SESN1: variants seen among roughly 807,000 people sequenced by gnomAD.
SESN1 encodes the protein sestrin-1.
A neutral mutation model predicts 59.3 loss-of-function variants in SESN1; 30 were observed. The ratio of observed to expected loss-of-function variants is 0.51; its 90% CI spans 0.38 to 0.69. The LOEUF (loss-of-function observed/expected upper bound fraction) is 0.69, where lower values mean the gene tolerates loss of function less well. SESN1 is among the 30% of genes least tolerant of loss of function. SESN1 has a pLI of 0.00. For synonymous variants in SESN1, 197 were observed against 219.9 expected (o/e 0.90, Z 0.92); for missense variants, 566 against 673.0 (o/e 0.84, Z 1.76).
rs1041014670 is a variant in SESN1 at position 109,075,874 on chromosome 6, A to T, written c.279+17921T>A. Among the ~76,000 whole-genome samples the T allele has an allele frequency of 3.9e-5, 6 of 152,190 alleles. No homozygotes were observed. In the East Asian group the frequency reaches 9.6e-4, roughly 24 times the overall value. On this transcript the variant is annotated intron_variant, in intron 1 of 9. Coordinates refer to ENST00000436639, the MANE Select transcript of SESN1 (RefSeq NM_014454.3). ...TCCTCAACACCCCCTCCCCGACCCC[A>T]GAGGGAATGACTCTGAGGGTCTTTT... is the stretch of plus-strand genomic sequence containing the variant.
chr6:109,043,273 T>C (rs1562466773), intron 1 of SESN1, among the ~76,000 whole-genome samples: 1 of 152,094 alleles, frequency 6.6e-6, no homozygotes, highest in Non-Finnish European at 1.5e-5. Context: ...CCTCTTAAGA[T>C]TGGGAAGAAG....
Position 108,990,704 on chromosome 6 carries a change from A to G in SESN1, c.1365T>C (p.Val455=). The change falls in exon 8 of 10, where the codon GTT becomes GTC. Residue 455 remains valine (V), a synonymous_variant. Coordinates refer to ENST00000436639, the MANE Select transcript of SESN1 (RefSeq NM_014454.3). ...TTGCCCGTCTAAGCATTGAGGTATC[A>G]ACATCTTTGTGCATTGCCATTGTAT... ...TYNTMAMHKD[V]DTSMLRRAIW... 6.2e-7 allele frequency: 1 copy of G among 1,614,168 alleles called. No individual in the cohort carries two copies.
intron 1 of SESN1, among the ~76,000 whole-genome samples, chr6:109,071,765 G>C (rs894611125): frequency 6.6e-6 from 1 of 152,134 alleles, no homozygotes; most frequent in Admixed American, 6.6e-5. Flanking sequence ...CAGACTCAGA[G>C]GCACGAGCTA....
chr6:109,008,696 G>A, intron 1 of SESN1: 1 of 798,384 alleles, frequency 1.3e-6, no homozygotes, highest in Non-Finnish European at 1.5e-6. Flanking sequence ...ACTTTCAAAT[G>A]GTTTCCTATT....
intron 1 of SESN1, among the ~76,000 whole-genome samples, chr6:109,002,971 A>C (rs1379037830): frequency 6.6e-6 from 1 of 152,066 alleles, no homozygotes; most frequent in Non-Finnish European, 1.5e-5. Context: ...AATCTTGCCC[A>C]TATTATATTT....
chr6:109,075,887 C>T (rs1781023981), intron 1 of SESN1, among the ~76,000 whole-genome samples: 1 of 152,214 alleles, frequency 6.6e-6, no homozygotes, highest in African/African-American at 2.4e-5. Context: ...GGGAATGACT[C>T]TGAGGGTCTT....
At chr6:109,006,303 A>T (rs1243015133) in intron 1 of SESN1, among the ~76,000 whole-genome samples, 1 of 151,916 alleles carries the variant, frequency 6.6e-6, no homozygotes, top group Non-Finnish European at 1.5e-5. Flanking sequence ...GATTTTTTTA[A>T]TTTTTAAAAT....
At chr6:109,056,288 C>T (rs1225660646) in intron 1 of SESN1, among the ~76,000 whole-genome samples, 5 of 152,110 alleles carry the variant, frequency 3.3e-5, no homozygotes, top group African/African-American at 1.2e-4. Flanking sequence ...ACACCTTTCC[C>T]AGCTACTTGG....
At chr6:109,089,963 T>C (rs188424894) in intron 1 of SESN1, among the ~76,000 whole-genome samples, 9 of 152,300 alleles carry the variant, frequency 5.9e-5, no homozygotes, top group Non-Finnish European at 4.4e-5. Context: ...TCAATCACTA[T>C]ACTACCTTGC....
intron 1 of SESN1, among the ~76,000 whole-genome samples, chr6:109,070,715 T>C (rs563342445): frequency 6.6e-6 from 1 of 152,364 alleles, no homozygotes; most frequent in Admixed American, 6.5e-5. Context: ...AGGATTTTAG[T>C]GGTTCTCTAT....
At chr6:109,020,041 C>T (rs1378729721) in intron 1 of SESN1, among the ~76,000 whole-genome samples, 1 of 152,278 alleles carries the variant, frequency 6.6e-6, no homozygotes, top group East Asian at 1.9e-4. Context: ...CAGCAGGATG[C>T]AGTTCAAATA....
chr6:109,044,185 C>G (rs1314165292), intron 1 of SESN1, among the ~76,000 whole-genome samples: 1 of 151,446 alleles, frequency 6.6e-6, no homozygotes, highest in African/African-American at 2.4e-5. Context: ...CATAGTGGCA[C>G]CTGCCGGTGA....
At chr6:109,053,010 G>A (rs780496239) in intron 1 of SESN1, among the ~76,000 whole-genome samples, 10 of 152,006 alleles carry the variant, frequency 6.6e-5, no homozygotes, top group African/African-American at 2.4e-4. Flanking sequence ...GGTCATATAC[G>A]TCACTATTCA....
chr6:109,020,441 A>C (rs1583275079), intron 1 of SESN1, among the ~76,000 whole-genome samples: 1 of 152,162 alleles, frequency 6.6e-6, no homozygotes, highest in African/African-American at 2.4e-5. Flanking sequence ...TGTGGGTAGA[A>C]AATAAAGGTA....
chr6:109,092,250 T>C (rs1172299499), intron 1 of SESN1, among the ~76,000 whole-genome samples: 1 of 152,216 alleles, frequency 6.6e-6, no homozygotes, highest in Non-Finnish European at 1.5e-5. Context: ...TCTGTGTTGT[T>C]ATTCCCATTT....
intron 1 of SESN1, among the ~76,000 whole-genome samples, chr6:109,091,974 C>G (rs1781322943): frequency 6.6e-6 from 1 of 152,162 alleles, no homozygotes; most frequent in Non-Finnish European, 1.5e-5. Flanking sequence ...AACTCATAGC[C>G]TTCCTATGGG....
chr6:109,027,673 T>C (rs1387081948), intron 1 of SESN1, among the ~76,000 whole-genome samples: 1 of 152,070 alleles, frequency 6.6e-6, no homozygotes, highest in Non-Finnish European at 1.5e-5. Flanking sequence ...GTTACTGGTA[T>C]GTAGCAGGGA....
In SESN1 at chr6:108,984,820, T is replaced by C. The variant is rs1341035475; in HGVS notation, c.*2724A>G. ...ACACCATCCTCTGCTGGGGAAGAGC[T>C]AGGGTGAGCAAAATCCACAAACTTT... On this transcript the variant is annotated 3_prime_UTR_variant, in exon 10 of 10. Coordinates refer to ENST00000436639, the MANE Select transcript of SESN1 (RefSeq NM_014454.3). Among the ~76,000 whole-genome samples the C allele has an allele frequency of 1.3e-5, 2 of 152,258 alleles. No individual in the cohort carries two copies. The highest frequency in any genetic ancestry group is 2.1e-4 in the South Asian group (1 of 4,820).
intron 1 of SESN1, among the ~76,000 whole-genome samples, chr6:109,035,540 G>A (rs1252659784): frequency 5.3e-5 from 8 of 150,098 alleles, no homozygotes; most frequent in Non-Finnish European, 8.9e-5. Flanking sequence ...GTGACTACCC[G>A]GCAGAGGGAA....
Sources: gnomAD v4.1 joint callset for allele counts (sites outside exome capture counted in the v4.1 genomes callset) on GRCh38, gnomAD v4.1.1 for gene constraint, MANE v1.5 for transcripts, NCBI Gene and HGNC (gene_info 2026-07-23, HGNC 2026-07-21) for gene names.